MAGI1: variants seen among roughly 807,000 people sequenced by gnomAD.
MAGI1 encodes membrane associated guanylate kinase, WW and PDZ domain containing 1, also known as membrane-associated guanylate kinase, WW and PDZ domain-containing protein 1.
A neutral mutation model predicts 139.9 loss-of-function variants in MAGI1; 58 were observed. The ratio of observed to expected loss-of-function variants is 0.41; its 90% confidence interval spans 0.34 to 0.52. MAGI1 has a LOEUF of 0.52. MAGI1 is among the 20% of genes least tolerant of loss of function. The probability of loss-of-function intolerance (pLI) is 0.12; values close to 1 mark genes in which losing one functional copy is unlikely to be tolerated. For synonymous variants in MAGI1, 812 were observed against 737.9 expected, an observed-to-expected ratio of 1.10 and a Z score of -1.63; for missense variants, 1,874 against 1,901.6, an observed-to-expected ratio of 0.99 and a Z score of 0.27.
chr3:65,997,219 A>C (rs1483661120), intron 1 of MAGI1, among the ~76,000 whole-genome samples: 4 of 152,142 alleles, frequency 2.6e-5, no homozygotes, highest in African/African-American at 9.7e-5. Context: ...CACCAGCAGC[A>C]CTGTGCAAGA....
chr3:65,863,026 C>T (rs1328160622), intron 1 of MAGI1, among the ~76,000 whole-genome samples: 1 of 152,234 alleles, frequency 6.6e-6, no homozygotes, highest in Non-Finnish European at 1.5e-5. Flanking sequence ...GCCCCTTTCT[C>T]ACCATGAAGC....
At chr3:65,557,598 A>G (rs1028082170) in intron 2 of MAGI1, among the ~76,000 whole-genome samples, 1 of 152,218 alleles carries the variant, frequency 6.6e-6, no homozygotes, top group Non-Finnish European at 1.5e-5. Flanking sequence ...ATGCTTGGTT[A>G]GATGCCTCTG....
intron 1 of MAGI1, among the ~76,000 whole-genome samples, chr3:65,652,894 GCCC>G (rs2085665366): frequency 6.6e-6 from 1 of 152,096 alleles, no homozygotes; most frequent in Admixed American, 6.6e-5. Context: ...AAGCCATGAT[GCCC>G]AAAACTTCGG....
At chr3:65,466,428 C>T (rs1950179231) in intron 5 of MAGI1, among the ~76,000 whole-genome samples, 1 of 152,114 alleles carries the variant, frequency 6.6e-6, no homozygotes, top group Non-Finnish European at 1.5e-5. Context: ...TAGGTGGGGT[C>T]TCCATTTGGC....
intron 10 of MAGI1, among the ~76,000 whole-genome samples, chr3:65,432,744 G>A (rs1300247932): frequency 6.6e-6 from 1 of 152,124 alleles, no homozygotes; most frequent in African/African-American, 2.4e-5. Context: ...TTGAGGTGAG[G>A]TAAGATAACC....
At chr3:66,020,114 C>T (rs1026614690) in intron 1 of MAGI1, among the ~76,000 whole-genome samples, 5 of 152,208 alleles carry the variant, frequency 3.3e-5, no homozygotes, top group African/African-American at 1.2e-4. Flanking sequence ...CAAGGCATAT[C>T]ACCCGTTTGC....
intron 10 of MAGI1, among the ~76,000 whole-genome samples, chr3:65,432,054 C>T (rs1947496567): frequency 6.6e-6 from 1 of 152,050 alleles, no homozygotes; most frequent in South Asian, 2.1e-4. Context: ...TATTTCCAAA[C>T]ATGCTACCTA....
chr3:65,548,509 C>G (rs564516860), intron 2 of MAGI1, among the ~76,000 whole-genome samples: 1 of 117,404 alleles, frequency 8.5e-6, no homozygotes, highest in Non-Finnish European at 1.7e-5. Flanking sequence ...GCAAACAACA[C>G]TCTTTTTTTT....
intron 1 of MAGI1, among the ~76,000 whole-genome samples, chr3:65,673,887 T>C (rs1169462183): frequency 6.6e-6 from 1 of 152,170 alleles, no homozygotes; most frequent in Admixed American, 6.5e-5. Flanking sequence ...AAGCATTTTC[T>C]CCCTCATTCT....
intron 1 of MAGI1, among the ~76,000 whole-genome samples, chr3:65,845,773 C>G (rs532158415): frequency 6.6e-6 from 1 of 152,324 alleles, no homozygotes; most frequent in East Asian, 1.9e-4. Flanking sequence ...TCGACCTTCT[C>G]TGGTTCCAAA....
At chr3:65,963,638 T>C (rs945302098) in intron 1 of MAGI1, among the ~76,000 whole-genome samples, 1 of 151,230 alleles carries the variant, frequency 6.6e-6, no homozygotes, top group South Asian at 2.1e-4. Context: ...TAAATAAAAA[T>C]AATGACAATG....
intron 2 of MAGI1, among the ~76,000 whole-genome samples, chr3:65,552,774 T>G (rs2079903432): frequency 6.6e-6 from 1 of 152,208 alleles, no homozygotes; most frequent in Admixed American, 6.5e-5. Context: ...GTTTAGGAAA[T>G]CTAACTTAAT....
chr3:65,356,499 C>G lies in MAGI1; in HGVS notation c.4268G>C (p.Arg1423Thr). 1.9e-6 allele frequency: 3 copies of G among 1,610,602 alleles called. No individual in the cohort carries two copies. Among genetic ancestry groups the G allele is most frequent in the Non-Finnish European group, 2.5e-6 (3 of 1,179,712 alleles). ...RSLDKRNRED[R>T]ASHREREEAN... ...CTCTTCCCTTTCTCGGTGGCTGGCTCTGTCCTCTCTGTTCCTTTTGTCCAG... is the reference window on the plus strand; with the variant it reads ...CTCTTCCCTTTCTCGGTGGCTGGCTGTGTCCTCTCTGTTCCTTTTGTCCAG... The change falls in exon 23 of 23, where the codon AGA (arginine) becomes ACA (threonine). Residue 1423 changes from arginine to threonine, a missense_variant. Physicochemically the swap from Arg to Thr is moderately conservative, Grantham distance 71. This residue lies in a region of MAGI1 where 653 missense variants were observed against 644.5 expected (regional missense o/e 1.01). Transcript: ENST00000402939.
At chr3:65,442,520 C>A (rs1400301660) in intron 8 of MAGI1, among the ~76,000 whole-genome samples, 3 of 152,010 alleles carry the variant, frequency 2.0e-5, no homozygotes, top group Non-Finnish European at 4.4e-5. Context: ...TCATTAAGTA[C>A]CTGCCATATA....
At chr3:65,567,728 T>C (rs1200977822) in intron 2 of MAGI1, among the ~76,000 whole-genome samples, 2 of 151,914 alleles carry the variant, frequency 1.3e-5, no homozygotes, top group African/African-American at 4.8e-5. Context: ...CCTAGCTACT[T>C]GGGAGGCTGA....
intron 1 of MAGI1, chr3:65,844,402 T>C (rs1006773822): frequency 2.0e-5 from 7 of 345,648 alleles, no homozygotes; most frequent in Non-Finnish European, 3.9e-5. Flanking sequence ...GAAAAGGATA[T>C]CCCAGAAGAA....
chr3:65,888,812 A>T (rs1481986203), intron 1 of MAGI1, among the ~76,000 whole-genome samples: 1 of 152,200 alleles, frequency 6.6e-6, no homozygotes, highest in African/African-American at 2.4e-5. Flanking sequence ...ACTATGAACC[A>T]CAAAATCTGA....
chr3:65,667,130 T>C (rs1224160196), intron 1 of MAGI1, among the ~76,000 whole-genome samples: 2 of 152,194 alleles, frequency 1.3e-5, no homozygotes, highest in Non-Finnish European at 2.9e-5. Flanking sequence ...TATAGACACT[T>C]TCATTTTCAA....
chr3:65,974,560 G>A (rs1200718115), intron 1 of MAGI1, among the ~76,000 whole-genome samples: 4 of 152,150 alleles, frequency 2.6e-5, no homozygotes, highest in African/African-American at 9.7e-5. Context: ...CTGTGGGTCA[G>A]GAATCCAAGA....
Sources: gnomAD v4.1 joint callset for allele counts (sites outside exome capture counted in the v4.1 genomes callset) on GRCh38, gnomAD v4.1.1 for gene constraint, gnomAD v4.1.1 regional missense constraint, MANE v1.5 for transcripts, NCBI Gene and HGNC (gene_info 2026-07-23, HGNC 2026-07-21) for gene names.